IL6R: variants seen among roughly 807,000 people sequenced by gnomAD.
IL6R encodes interleukin 6 receptor, also known as interleukin-6 receptor subunit alpha.
Under a neutral mutation model 48.3 loss-of-function variants are expected in IL6R, and 38 were observed. The ratio of observed to expected loss-of-function variants is 0.79; its 90% CI spans 0.61 to 1.03. IL6R has a LOEUF of 1.03. Ranked by LOEUF, IL6R falls within the 50% of genes least tolerant of loss-of-function variation. IL6R has a pLI of 0.00. For missense variants in IL6R, 534 were observed against 618.3 expected (o/e 0.86, Z 1.45); for synonymous variants, 264 against 256.2 (o/e 1.03, Z -0.29).
chr1:154,426,189 CACACAT>C, intron 1 of IL6R, among the ~76,000 whole-genome samples: 1 of 150,292 alleles, frequency 6.7e-6, no homozygotes, highest in African/African-American at 2.4e-5. Context: ...CACACACACA[CACACAT>C]ATATACACAC....
chr1:154,447,002 G>A (rs58229059), intron 6 of IL6R, among the ~76,000 whole-genome samples: 9,793 of 152,100 alleles, frequency 0.064, 863 homozygotes, highest in African/African-American at 0.2. Flanking sequence ...TTGGCCAGAC[G>A]TGGTGGCACA....
At chr1:154,437,847 G>A (rs1689722413) in intron 6 of IL6R, among the ~76,000 whole-genome samples, 2 of 151,252 alleles carry the variant, frequency 1.3e-5, no homozygotes, top group African/African-American at 4.9e-5. Context: ...CTGAGTAGCT[G>A]GGACTACAGG....
rs58290245 is a variant in IL6R at position 154,453,893 on chromosome 1, C to T, written c.1067-595C>T. ...AAAACAGACAGGAGAGAAGAGGGAA[C>T]GTGTGTGGAGAGCCCTGGAGGAAAA... is the stretch of plus-strand genomic sequence containing the variant. On this transcript the variant is annotated intron_variant, in intron 8 of 9. Transcript: ENST00000368485. Among the ~76,000 whole-genome samples the T allele has an allele frequency of 1.8e-3, 273 of 152,210 alleles. 1 individual carries two copies. Among genetic ancestry groups the T allele is most frequent in the African/African-American group, 5.8e-3 (239 of 41,528 alleles).
chr1:154,443,131 TC>T (rs1690030339), intron 6 of IL6R, among the ~76,000 whole-genome samples: 3 of 152,212 alleles, frequency 2.0e-5, no homozygotes, highest in Admixed American at 2.0e-4. Flanking sequence ...ATTCCTTGCT[TC>T]TCACAAATAA....
At chr1:154,454,920 CT>C (rs972063100) in intron 9 of IL6R, among the ~76,000 whole-genome samples, 10 of 151,344 alleles carry the variant, frequency 6.6e-5, no homozygotes, top group Non-Finnish European at 1.0e-4. Context: ...GAAGAGGGTT[CT>C]TTTTTTTTGA....
At chr1:154,439,408 G>A (rs901397736) in intron 6 of IL6R, among the ~76,000 whole-genome samples, 11 of 152,092 alleles carry the variant, frequency 7.2e-5, no homozygotes, top group Non-Finnish European at 4.4e-5. Flanking sequence ...TCTGCCTCCC[G>A]GGTTCAAGCA....
rs149326073 is a variant in IL6R, at chr1:154,443,184, C to T, written c.950-4941C>T. Among the ~76,000 whole-genome samples the T allele has an allele frequency of 4.9e-3, 748 of 152,346 alleles. 4 individuals carry two copies. The highest frequency in any genetic ancestry group is 0.031 in the Middle Eastern group (9 of 294). On this transcript the variant is annotated intron_variant, in intron 6 of 9. Transcript: ENST00000368485. ...TCCTATTCCCCAAGAATGGGAATCACACCTGTTGGAGGAGGTGATACCAAA... is the reference window on the plus strand; with the variant it reads ...TCCTATTCCCCAAGAATGGGAATCATACCTGTTGGAGGAGGTGATACCAAA...
chr1:154,445,026 T>C (rs1690139931), intron 6 of IL6R: 1 of 455,652 alleles, frequency 2.2e-6, no homozygotes, highest in African/African-American at 2.0e-5. Context: ...ACACAGCCTT[T>C]TCTGTACTTG....
At chr1:154,459,288 A>G (rs1031517971) in intron 9 of IL6R, among the ~76,000 whole-genome samples, 1 of 152,244 alleles carries the variant, frequency 6.6e-6, no homozygotes, top group African/African-American at 2.4e-5. Flanking sequence ...AGGCACAGAC[A>G]GGGCCAGTGC....
chr1:154,465,514 G>A lies in IL6R; in HGVS notation c.*134G>A, dbSNP rs935951408. The A allele has an allele frequency of 3.6e-5, 37 of 1,037,608 alleles. No individual in the cohort carries two copies. The highest frequency in any genetic ancestry group is 2.6e-4 in the Middle Eastern group (1 of 3,890). The allele number at this position is 1,037,608 out of a possible 1,614,324, so 64.3% of individuals were successfully genotyped here. ...CTTTGGCTTCACGGAAGAGCCTTGC[G>A]GAAGGTTCTACGCCAGGGGAAAATC... On this transcript the variant is annotated 3_prime_UTR_variant, in exon 10 of 10. Coordinates refer to ENST00000368485, the MANE Select transcript of IL6R (RefSeq NM_000565.4).
intron 9 of IL6R, among the ~76,000 whole-genome samples, chr1:154,464,691 G>T (rs1571021316): frequency 6.6e-6 from 1 of 152,124 alleles, no homozygotes; most frequent in South Asian, 2.1e-4. Context: ...GGGTGTGCCG[G>T]CTCATACCTG....
chr1:154,419,332 T>G (rs1343883049), intron 1 of IL6R, among the ~76,000 whole-genome samples: 1 of 152,156 alleles, frequency 6.6e-6, no homozygotes, highest in Non-Finnish European at 1.5e-5. Context: ...AGATGGAGAA[T>G]GCAAGAACAG....
In IL6R at chr1:154,469,231, G is replaced by A. The variant is rs530832272; in HGVS notation, c.*3851G>A. 6.6e-6 allele frequency: 1 copy of A among 152,352 alleles called. No individual in the cohort carries two copies. The highest frequency in any genetic ancestry group is 6.5e-5 in the Admixed American group (1 of 15,310). The allele number at this position is 152,352 out of a possible 1,614,324, so 9.4% of individuals were successfully genotyped here. A position where few individuals can be genotyped will look rare whatever the true frequency, so the allele number is the denominator to read the frequency against. On this transcript the variant is annotated 3_prime_UTR_variant, in exon 10 of 10. Coordinates refer to ENST00000368485, the MANE Select transcript of IL6R (RefSeq NM_000565.4). ...ACCTTATTGGATGGAGATCACATCT[G>A]TTAAATAGAATACCTCAACTCTACG...
At chr1:154,439,972 G>T (rs1689842565) in intron 6 of IL6R, among the ~76,000 whole-genome samples, 1 of 151,100 alleles carries the variant, frequency 6.6e-6, no homozygotes, top group African/African-American at 2.4e-5. Context: ...TCGTGACCTT[G>T]GCTCACTGCA....
At chr1:154,453,346 C>T (rs1468121672) in intron 8 of IL6R, among the ~76,000 whole-genome samples, 2 of 152,248 alleles carry the variant, frequency 1.3e-5, no homozygotes, top group African/African-American at 2.4e-5. Flanking sequence ...AGCCAGCGCC[C>T]GCTCACCAGT....
At chr1:154,449,872 C>T in intron 7 of IL6R, 39 bp from the exon 8 acceptor site, 1 of 1,356,224 alleles carries the variant, frequency 7.4e-7, no homozygotes, top group Non-Finnish European at 1.1e-6. Flanking sequence ...ATGGTGCAAT[C>T]TGCAGAAACA....
At chr1:154,462,493 T>C (rs1472521958) in intron 9 of IL6R, among the ~76,000 whole-genome samples, 1 of 151,340 alleles carries the variant, frequency 6.6e-6, no homozygotes, top group African/African-American at 2.4e-5. Flanking sequence ...CCTGCCTCGG[T>C]CTCCTGAGTA....
chr1:154,440,361 C>G (rs955552386), intron 6 of IL6R, among the ~76,000 whole-genome samples: 4 of 152,204 alleles, frequency 2.6e-5, no homozygotes, highest in Non-Finnish European at 5.9e-5. Context: ...CTGCTATGAA[C>G]ACGGGTGTAA....
intron 8 of IL6R, among the ~76,000 whole-genome samples, chr1:154,450,768 G>A (rs574936462): frequency 3.3e-5 from 5 of 152,350 alleles, no homozygotes; most frequent in African/African-American, 1.2e-4. Context: ...GACTCCAGAG[G>A]TTCAGTAGTT....
Sources: allele counts gnomAD v4.1 joint callset (sites outside exome capture counted in the v4.1 genomes callset), GRCh38; gene constraint gnomAD v4.1.1; transcripts MANE v1.5; gene names NCBI Gene and HGNC (gene_info 2026-07-23, HGNC 2026-07-21).